Variants in TFAP2A observed in about 807,000 individuals in gnomAD.
The protein encoded by TFAP2A is transcription factor AP-2 alpha.
In TFAP2A, 7 loss-of-function variants were observed where a neutral mutation model predicts 41.5. The observed-to-expected ratio is 0.17, with a 90% CI of 0.10 to 0.32. TFAP2A has a LOEUF of 0.32. TFAP2A is among the 10% of genes least tolerant of loss of function. TFAP2A has a pLI of 1.00. For synonymous variants in TFAP2A, 247 were observed against 242.8 expected, an observed-to-expected ratio of 1.02 and a Z score of -0.16; for missense variants, 416 against 563.3, an observed-to-expected ratio of 0.74 and a Z score of 2.65.
In TFAP2A at chr6:10,403,408, A is replaced by G. The variant is rs188922207; in HGVS notation, c.771-798T>C. Among the ~76,000 whole-genome samples, 18 of 152,344 alleles carry G rather than the reference A, an allele frequency of 1.2e-4. 1 individual carries two copies. The highest frequency in any genetic ancestry group is 6.8e-3 in the Middle Eastern group (2 of 294). On this transcript the variant is annotated intron_variant, in intron 4 of 6. Transcript: ENST00000379613. ...AGAGGGCAAGGAAAAGATCTGTGTC[A>G]GTGAAAGACTACAAAGGGAAAGCAA... is the stretch of plus-strand genomic sequence containing the variant.
chr6:10,402,013 A>C, intron 5 of TFAP2A: 1 of 291,160 alleles, frequency 3.4e-6, no homozygotes, highest in South Asian at 3.3e-5. Context: ...AGCACAATTA[A>C]AGAGATAAGG....
chr6:10,417,242 C>A (rs113029930), upstream of TFAP2A: 82 of 152,610 alleles, frequency 5.4e-4, 2 homozygotes, highest in African/African-American at 1.9e-3. Flanking sequence ...CATCCTCTGC[C>A]ACCCCATTTC....
Position 10,398,883 on chromosome 6 carries a change from T to TCA in TFAP2A, c.1032-180_1032-179dup, listed in dbSNP as rs1761898494. On this transcript the variant is annotated intron_variant, in intron 6 of 6. Transcript: ENST00000379613. The surrounding 1 kb of genome is among the most constrained non-coding windows in gnomAD (Gnocchi z 5.3). Reference sequence around the variant, plus strand: ...ACATGTTGGGAGATCCAGCCACCTTTCAGTGACCACTAAACCATCTCTCTT... The same window carrying TCA: ...ACATGTTGGGAGATCCAGCCACCTTTCACAGTGACCACTAAACCATCTCTCTT... 6.6e-6 allele frequency among the ~76,000 whole-genome samples: 1 copy of TCA among 152,166 alleles called. No individual in the cohort carries two copies. The highest frequency in any genetic ancestry group is 2.4e-5 in the African/African-American group (1 of 41,432).
chr6:10,411,718 G>T, intron 1 of TFAP2A: 8 of 1,557,884 alleles, frequency 5.1e-6, no homozygotes, highest in Non-Finnish European at 6.9e-6. Flanking sequence ...CGCCACCCAG[G>T]ACTCCAGTCA....
intron 3 of TFAP2A, 121 bp downstream of exon 3, chr6:10,406,671 AT>A: frequency 2.4e-6 from 2 of 847,196 alleles, no homozygotes; most frequent in Non-Finnish European, 4.1e-6. Flanking sequence ...GTGCCTATCT[AT>A]TTGCTAATTC....
chr6:10,412,155 G>A (rs1267843723), intron 1 of TFAP2A: 8 of 989,806 alleles, frequency 8.1e-6, no homozygotes, highest in Non-Finnish European at 9.6e-6. Flanking sequence ...GGGAGTCTCA[G>A]TGTAGCAAAT....
intron 4 of TFAP2A, among the ~76,000 whole-genome samples, chr6:10,404,124 G>A (rs1269198860): frequency 6.6e-6 from 1 of 152,258 alleles, no homozygotes; most frequent in African/African-American, 2.4e-5. Flanking sequence ...GGGCTTGCAA[G>A]GTGTGCGCGA....
intron 5 of TFAP2A, 62 bp from the exon 6 acceptor site, chr6:10,400,651 C>T: frequency 6.4e-7 from 1 of 1,566,348 alleles, no homozygotes; most frequent in Non-Finnish European, 8.8e-7. Flanking sequence ...TCCTAACTTC[C>T]TCCCCACTCC....
rs769551408 is a variant in TFAP2A, at chr6:10,398,722, G to T, written c.1032-17C>A. ...CATATCTGTCTGCAGCACAAGTGGA[G>T]CAGAGAGAGAGACATAAGGCTCCAC... is the stretch of plus-strand genomic sequence containing the variant. On this transcript the variant is annotated splice_polypyrimidine_tract_variant and intron_variant, in intron 6 of 6. Coordinates refer to ENST00000379613, the MANE Select transcript of TFAP2A (RefSeq NM_001372066.1). The surrounding 1 kb of genome is among the most constrained non-coding windows in gnomAD (Gnocchi z 5.3). 1.2e-6 allele frequency: 2 copies of T among 1,613,698 alleles called. No individual in the cohort carries two copies. The highest frequency in any genetic ancestry group is 3.3e-5 in the Admixed American group (2 of 60,020).
chr6:10,413,046 C>T (rs1394621151), intron 1 of TFAP2A, among the ~76,000 whole-genome samples: 1 of 152,188 alleles, frequency 6.6e-6, no homozygotes, highest in Non-Finnish European at 1.5e-5. Flanking sequence ...CCACTCCCGC[C>T]TGACGCCCCC....
chr6:10,410,304 G>T lies in TFAP2A; in HGVS notation c.83C>A (p.Ala28Glu). 1 of 1,612,584 alleles carries T rather than the reference G, an allele frequency of 6.2e-7. No homozygotes were observed. The highest frequency in any genetic ancestry group is 1.1e-5 in the South Asian group (1 of 90,998). ...TACAGTGCCCAGCTGGGGCAACCGT[G>T]CCGTCCCGTTGCTGGTGCCGTCGTG... Reference protein sequence around the residue: ...DRHDGTSNGTARLPQLGTVGQ... With the variant: ...DRHDGTSNGTERLPQLGTVGQ... The change falls in exon 2 of 7, where the codon GCA (alanine) becomes GAA (glutamate). Residue 28 changes from alanine (A) to glutamate (E), a missense_variant. By Grantham distance (107) the Ala-to-Glu change is moderately radical. Coordinates refer to ENST00000379613, the MANE Select transcript of TFAP2A (RefSeq NM_001372066.1).
rs946154698 is a variant in TFAP2A at position 10,397,039 on chromosome 6, T to C, written c.*1378A>G. ...AAGACAGCCACTGAATAAAAAAAAA[T>C]CGACATAAAGCGTATCAAATATTTA... On this transcript the variant is annotated 3_prime_UTR_variant, in exon 7 of 7. Transcript: ENST00000379613. 5 of 152,238 alleles carry C rather than the reference T, an allele frequency of 3.3e-5. No homozygotes were observed. Among genetic ancestry groups the C allele is most frequent in the Non-Finnish European group, 5.9e-5 (4 of 67,974 alleles). The allele number at this position is 152,238 out of a possible 1,614,324, so 9.4% of individuals were successfully genotyped here.
chr6:10,416,406 T>G (rs1455421029), upstream of TFAP2A: 3 of 145,030 alleles, frequency 2.1e-5, no homozygotes. Context: ...TCCCTTTCGG[T>G]TTTGGGATTT....
intron 4 of TFAP2A, among the ~76,000 whole-genome samples, 161 bp downstream of exon 4, chr6:10,404,347 C>T (rs1428942615): frequency 5.3e-5 from 8 of 152,138 alleles, no homozygotes; most frequent in African/African-American, 1.7e-4. Flanking sequence ...CCCCCAGATC[C>T]CGCCCACTTG....
At chr6:10,415,929 A>T (rs1321057698), upstream of TFAP2A, 2 of 152,100 alleles carry the variant, frequency 1.3e-5, no homozygotes, top group Non-Finnish European at 2.9e-5. Context: ...TACCCTGAAG[A>T]GGTTACTTGA....
At position 10,398,134 on chromosome 6, in the gene TFAP2A, C is replaced by T. The variant is rs1434074194; in HGVS notation, c.*283G>A. The T allele has an allele frequency of 1.5e-6, 2 of 1,369,792 alleles. No individual in the cohort carries two copies. Among genetic ancestry groups the T allele is most frequent in the Non-Finnish European group, 9.4e-7 (1 of 1,062,208 alleles). 84.9% of individuals were successfully genotyped at this position (1,369,792 alleles called of 1,614,324 possible). On this transcript the variant is annotated 3_prime_UTR_variant, in exon 7 of 7. Coordinates refer to ENST00000379613, the MANE Select transcript of TFAP2A (RefSeq NM_001372066.1). This position sits in a 1 kb window ranked among gnomAD's most constrained non-coding sequence, Gnocchi z 5.3. ...GCAGAACTTTTCTCTGCTGGCTTCA[C>T]GGCCTGTTCTGTTCTCTTAGGCTCC...
chr6:10,414,877 G>A lies in TFAP2A; in HGVS notation c.51+64C>T, dbSNP rs1275438490. On this transcript the variant is annotated intron_variant, in intron 1 of 6. Transcript: ENST00000379613. ...GCAGCTGGTTGCAAGGAGAGGAGGA[G>A]GAGAGGGAGGGTCAAGCTCGGAGCC... 7.5e-6 allele frequency: 12 copies of A among 1,605,696 alleles called. No individual in the cohort carries two copies. In the African/African-American group the frequency reaches 1.5e-4, roughly 20 times the overall value.
chr6:10,402,426 G>C (rs762045095), intron 5 of TFAP2A, 66 bp downstream of exon 5: 1 of 1,163,512 alleles, frequency 8.6e-7, no homozygotes, highest in Non-Finnish European at 1.3e-6. Flanking sequence ...CCAAACATCT[G>C]GCCACTAAAT....
chr6:10,418,749 C>G (rs1324865324), upstream of TFAP2A: 1 of 152,882 alleles, frequency 6.5e-6, no homozygotes, highest in Non-Finnish European at 1.5e-5. Flanking sequence ...CCTCCTCACC[C>G]ACCATTCTCA....
Sources: allele counts gnomAD v4.1 joint callset (sites outside exome capture counted in the v4.1 genomes callset), GRCh38; gene constraint gnomAD v4.1.1; non-coding constraint Gnocchi (gnomAD v3.1); transcripts MANE v1.5; gene names NCBI Gene and HGNC (gene_info 2026-07-23, HGNC 2026-07-21).